The following VPS13D variants were observed in gnomAD, a reference collection of about 807,000 sequenced individuals.
VPS13D encodes the protein intermembrane lipid transfer protein VPS13D.
Under a neutral mutation model 461.9 loss-of-function variants are expected in VPS13D, and 187 were observed. That is an observed-to-expected ratio of 0.40 (90% CI 0.36 to 0.46). The LOEUF (loss-of-function observed/expected upper bound fraction) is 0.46. Ranked by LOEUF, VPS13D falls within the 20% of genes least tolerant of loss-of-function variation. VPS13D has a pLI of 0.60. For missense variants in VPS13D, 4,711 were observed against 5,364.9 expected, an observed-to-expected ratio of 0.88 and a Z score of 3.81; for synonymous variants, 1,951 against 1,986.3, an observed-to-expected ratio of 0.98 and a Z score of 0.47.
chr1:12,499,883 C>A (rs1176206022), intron 68 of VPS13D: 1 of 985,262 alleles, frequency 1.0e-6, no homozygotes, highest in Non-Finnish European at 1.2e-6. Flanking sequence ...AGGAAAAGCC[C>A]ACGAGCGCCA....
intron 67 of VPS13D, among the ~76,000 whole-genome samples, chr1:12,484,150 C>T (rs1645764463): frequency 6.6e-6 from 1 of 152,218 alleles, no homozygotes; most frequent in South Asian, 2.1e-4. Context: ...CCAGTTGGTA[C>T]TGATGCTGTA....
chr1:12,441,433 C>T (rs1036148867), intron 65 of VPS13D, among the ~76,000 whole-genome samples: 4 of 152,116 alleles, frequency 2.6e-5, no homozygotes, highest in Non-Finnish European at 5.9e-5. Context: ...GTATGCAGCA[C>T]CCCAACCAGC....
intron 67 of VPS13D, among the ~76,000 whole-genome samples, chr1:12,476,780 C>T (rs1042203562): frequency 6.6e-5 from 10 of 152,136 alleles, no homozygotes; most frequent in Admixed American, 1.3e-4. Flanking sequence ...TTCTGTGATC[C>T]GTGGCACCTC....
At chr1:12,270,947 C>A (rs748990357) in intron 16 of VPS13D, 47 bp from the exon 17 acceptor site, 1 of 1,603,364 alleles carries the variant, frequency 6.2e-7, no homozygotes, top group Non-Finnish European at 8.5e-7. Flanking sequence ...TTTGTTCACC[C>A]AGCCGTGTGA....
intron 66 of VPS13D, among the ~76,000 whole-genome samples, chr1:12,459,604 G>A (rs1161640237): frequency 2.0e-5 from 3 of 151,006 alleles, no homozygotes; most frequent in South Asian, 2.1e-4. Context: ...TTAGCCTCCC[G>A]AGTAGCTGGG....
intron 67 of VPS13D, among the ~76,000 whole-genome samples, chr1:12,475,734 G>A (rs1398179826): frequency 6.6e-6 from 1 of 152,170 alleles, no homozygotes; most frequent in Non-Finnish European, 1.5e-5. Context: ...TACATAGCAG[G>A]CTTGATCACA....
chr1:12,432,076 G>A (rs551052724), intron 65 of VPS13D, among the ~76,000 whole-genome samples: 157 of 152,124 alleles, frequency 1.0e-3, no homozygotes, highest in Non-Finnish European at 1.6e-3. Context: ...AATTGTCATC[G>A]GGTTCTTTCT....
At chr1:12,391,956 G>A (rs1249084999) in intron 60 of VPS13D, among the ~76,000 whole-genome samples, 2 of 151,936 alleles carry the variant, frequency 1.3e-5, no homozygotes, top group Non-Finnish European at 2.9e-5. Context: ...CTCCTCCTGG[G>A]CTCAAGTGAT....
chr1:12,430,012 C>G (rs1026449601), intron 65 of VPS13D, among the ~76,000 whole-genome samples: 3 of 152,154 alleles, frequency 2.0e-5, no homozygotes, highest in Admixed American at 6.5e-5. Flanking sequence ...GTTTGGAAAC[C>G]TTAATTGTTT....
intron 68 of VPS13D, among the ~76,000 whole-genome samples, chr1:12,498,065 G>A (rs1487696536): frequency 1.3e-5 from 2 of 152,148 alleles, no homozygotes; most frequent in African/African-American, 2.4e-5. Context: ...TGTATTTTTC[G>A]TAAGATTGCT....
intron 67 of VPS13D, among the ~76,000 whole-genome samples, chr1:12,471,373 T>C (rs1645560539): frequency 6.6e-6 from 1 of 152,230 alleles, no homozygotes; most frequent in Admixed American, 6.5e-5. Flanking sequence ...CAAATTTATC[T>C]TTCAAATTAG....
At chr1:12,448,229 T>A (rs1264932865) in intron 65 of VPS13D, among the ~76,000 whole-genome samples, 1 of 152,232 alleles carries the variant, frequency 6.6e-6, no homozygotes, top group East Asian at 1.9e-4. Flanking sequence ...CTGTGTGTTT[T>A]CTTGGAGTTG....
At chr1:12,428,530 T>A (rs981159064) in intron 65 of VPS13D, among the ~76,000 whole-genome samples, 1 of 152,176 alleles carries the variant, frequency 6.6e-6, no homozygotes, top group Non-Finnish European at 1.5e-5. Context: ...TGTGCGCCAT[T>A]TGTCCAGTCA....
intron 67 of VPS13D, among the ~76,000 whole-genome samples, chr1:12,462,639 G>A (rs184696009): frequency 4.6e-5 from 7 of 152,342 alleles, no homozygotes; most frequent in African/African-American, 1.7e-4. Flanking sequence ...TGCTGCCTGG[G>A]TCTGCGAGGA....
chr1:12,292,930 C>A (rs1642176778), intron 23 of VPS13D, among the ~76,000 whole-genome samples: 1 of 152,092 alleles, frequency 6.6e-6, no homozygotes, highest in Non-Finnish European at 1.5e-5. Flanking sequence ...TCCCGCCTAG[C>A]CCAAAATAAG....
At position 12,314,272 on chromosome 1, in the gene VPS13D, C is replaced by T. The variant is rs762305591; in HGVS notation, c.7093C>T (p.Pro2365Ser). Residue 2365 changes from proline to serine, a missense_variant, in exon 30 of 70, where the codon CCC (proline) becomes TCC (serine). This residue lies in a region of VPS13D where 4,411 missense variants were observed against 4,937.8 expected (regional missense o/e 0.89). Coordinates refer to ENST00000620676, the MANE Select transcript of VPS13D (RefSeq NM_015378.4). ...GAATGTGTTCAGCTGTATCTTTCAG[C>T]CCGCTAAGAACAGCAGCACCACCCA... ...MTNVFSCIFQ[P>S]AKNSSTTQGS... 1 of 1,614,182 alleles carries T rather than the reference C, an allele frequency of 6.2e-7. No individual in the cohort carries two copies. Among genetic ancestry groups the T allele is most frequent in the East Asian group, 2.2e-5 (1 of 44,880 alleles).
intron 65 of VPS13D, among the ~76,000 whole-genome samples, chr1:12,451,088 G>C (rs1358537644): frequency 6.6e-6 from 1 of 152,162 alleles, no homozygotes; most frequent in Non-Finnish European, 1.5e-5. Flanking sequence ...ATCATAAAAG[G>C]GTCAGGTAAA....
chr1:12,468,878 AC>A (rs1391195226), intron 67 of VPS13D, among the ~76,000 whole-genome samples: 2 of 152,100 alleles, frequency 1.3e-5, no homozygotes, highest in East Asian at 1.9e-4. Context: ...ATAAAAATAT[AC>A]AAAAATTACC....
At chr1:12,414,515 G>A (rs934594425) in intron 63 of VPS13D, among the ~76,000 whole-genome samples, 4 of 152,140 alleles carry the variant, frequency 2.6e-5, no homozygotes, top group Non-Finnish European at 5.9e-5. Context: ...CACCTACAAC[G>A]AAGTGCATAC....
Sources: allele counts gnomAD v4.1 joint callset (sites outside exome capture counted in the v4.1 genomes callset), GRCh38; gene constraint gnomAD v4.1.1; regional missense constraint gnomAD v4.1.1; transcripts MANE v1.5; gene names NCBI Gene and HGNC (gene_info 2026-07-23, HGNC 2026-07-21).